Variants in ANTXR1 observed in about 807,000 individuals in gnomAD.
ANTXR1 encodes the protein anthrax toxin receptor 1.
In ANTXR1, 19 loss-of-function variants were observed where a neutral mutation model predicts 78.1. That is an observed-to-expected ratio of 0.24 (90% CI 0.17 to 0.36). The LOEUF is 0.36. Among genes scored for constraint, ANTXR1 ranks in the 10% least tolerant of loss-of-function variants. The pLI, the probability that ANTXR1 is intolerant of heterozygous loss-of-function variation, is 1.00. For missense variants in ANTXR1, 518 were observed against 718.6 expected, an observed-to-expected ratio of 0.72 and a Z score of 3.19; for synonymous variants, 273 against 260.5, an observed-to-expected ratio of 1.05 and a Z score of -0.46.
At chr2:69,091,052 T>G (rs1173952456) in intron 9 of ANTXR1, 133 bp downstream of exon 9, 11 of 856,512 alleles carry the variant, frequency 1.3e-5, no homozygotes, top group Non-Finnish European at 2.1e-5. Context: ...GGAGCTGAAA[T>G]TGCTAACCAA....
At chr2:69,023,565 G>A (rs961623150) in intron 1 of ANTXR1, among the ~76,000 whole-genome samples, 7 of 152,080 alleles carry the variant, frequency 4.6e-5, no homozygotes, top group Non-Finnish European at 8.8e-5. Context: ...TGGTGGTGGT[G>A]TTAGTGCAGA....
intron 17 of ANTXR1, among the ~76,000 whole-genome samples, chr2:69,194,940 C>T (rs1455539178): frequency 3.9e-5 from 6 of 152,168 alleles, no homozygotes; most frequent in Admixed American, 2.0e-4. Context: ...GAGGCCAAGG[C>T]GGGTGGATCA....
chr2:69,124,478 G>A, intron 11 of ANTXR1, 87 bp from the exon 12 acceptor site: 2 of 1,158,244 alleles, frequency 1.7e-6, no homozygotes, highest in Non-Finnish European at 2.6e-6. Flanking sequence ...TAAGAGCAGA[G>A]CCCAAAGGAG....
intron 3 of ANTXR1, among the ~76,000 whole-genome samples, chr2:69,046,164 CA>C (rs1669762910): frequency 2.0e-5 from 3 of 152,104 alleles, no homozygotes; most frequent in Non-Finnish European, 2.9e-5. Context: ...GCCTGTTCTT[CA>C]CATCCTCCTA....
chr2:69,175,744 A>G (rs1386692362), intron 14 of ANTXR1, among the ~76,000 whole-genome samples: 1 of 152,200 alleles, frequency 6.6e-6, no homozygotes, highest in Non-Finnish European at 1.5e-5. Context: ...GGTATTTTGT[A>G]TCTGAAGGGA....
intron 13 of ANTXR1, among the ~76,000 whole-genome samples, chr2:69,155,955 C>CA (rs1161122751): frequency 6.6e-6 from 1 of 152,100 alleles, no homozygotes; most frequent in Non-Finnish European, 1.5e-5. Flanking sequence ...TTCATGACTC[C>CA]ATGTTGACAC....
At chr2:69,028,546 A>C (rs1671428382) in intron 1 of ANTXR1, among the ~76,000 whole-genome samples, 2 of 152,216 alleles carry the variant, frequency 1.3e-5, no homozygotes, top group Non-Finnish European at 2.9e-5. Flanking sequence ...TCTTTCTGAA[A>C]GGGGAATGGG....
chr2:69,032,825 CT>C (rs1265984783), intron 1 of ANTXR1, among the ~76,000 whole-genome samples: 3 of 152,010 alleles, frequency 2.0e-5, no homozygotes, highest in Non-Finnish European at 1.5e-5. Context: ...GCATATTTTG[CT>C]GTAATACCTT....
chr2:69,114,106 T>C (rs1406427142), intron 10 of ANTXR1, among the ~76,000 whole-genome samples: 31 of 152,216 alleles, frequency 2.0e-4, no homozygotes, highest in Admixed American at 2.0e-3. Flanking sequence ...TTATATGTAA[T>C]CTCAATTATG....
chr2:69,224,619 T>G (rs1646071744), intron 17 of ANTXR1, among the ~76,000 whole-genome samples: 1 of 152,122 alleles, frequency 6.6e-6, no homozygotes, highest in African/African-American at 2.4e-5. Context: ...AGGCCCTCTC[T>G]TGACCAGAGC....
intron 17 of ANTXR1, among the ~76,000 whole-genome samples, chr2:69,238,340 C>T (rs1052246958): frequency 6.6e-6 from 1 of 152,170 alleles, no homozygotes; most frequent in African/African-American, 2.4e-5. Context: ...GGACAGGGAC[C>T]TCAACATTTG....
intron 8 of ANTXR1, among the ~76,000 whole-genome samples, chr2:69,085,373 A>G (rs1671019599): frequency 6.6e-6 from 1 of 152,098 alleles, no homozygotes; most frequent in Admixed American, 6.5e-5. Context: ...TTTAAAAATG[A>G]GGTGTTGAAA....
chr2:69,103,329 G>T (rs1414400493), intron 10 of ANTXR1: 2 of 330,114 alleles, frequency 6.1e-6, no homozygotes, highest in Non-Finnish European at 5.9e-6. Flanking sequence ...AATTAGGACT[G>T]CAGAAACATG....
Position 69,247,000 on chromosome 2 carries a change from A to T in ANTXR1, c.*1515A>T, listed in dbSNP as rs1247989029. The T allele has an allele frequency of 1.3e-5, 2 of 152,218 alleles. No homozygotes were observed. Among genetic ancestry groups the T allele is most frequent in the Non-Finnish European group, 2.9e-5 (2 of 68,042 alleles). 9.4% of individuals were successfully genotyped at this position (152,218 alleles called of 1,614,324 possible). A position where few individuals can be genotyped will look rare whatever the true frequency, so the allele number is the denominator to read the frequency against. On this transcript the variant is annotated 3_prime_UTR_variant, in exon 18 of 18. Transcript: ENST00000303714. ...GTCTCCAAAGATCCTTCAAAAATAC[A>T]TCAAGCCAGCTTCATTCACTCACTT...
In ANTXR1 at chr2:69,013,770, G is replaced by A; in HGVS notation, c.152+119G>A. ...AGGAGCGCATCTCCAGGGCCACAGA[G>A]GGACCGCGCGGCAGGCGGCGGCGGA... On this transcript the variant is annotated intron_variant, in intron 1 of 17. Coordinates refer to ENST00000303714, the MANE Select transcript of ANTXR1 (RefSeq NM_032208.3). The surrounding 1 kb of genome is among the most constrained non-coding windows in gnomAD (Gnocchi z 5.0). The A allele has an allele frequency of 2.0e-6, 3 of 1,498,788 alleles. No individual in the cohort carries two copies. Among genetic ancestry groups the A allele is most frequent in the Non-Finnish European group, 2.7e-6 (3 of 1,102,792 alleles). The allele number at this position is 1,498,788 out of a possible 1,614,324, so 92.8% of individuals were successfully genotyped here. A position where few individuals can be genotyped will look rare whatever the true frequency, so the allele number is the denominator to read the frequency against.
intron 13 of ANTXR1, among the ~76,000 whole-genome samples, chr2:69,167,329 G>A (rs372201626): frequency 7.2e-5 from 11 of 152,228 alleles, no homozygotes; most frequent in Admixed American, 3.9e-4. Flanking sequence ...GTGTGTGGCC[G>A]TGTTGCCATG....
intron 1 of ANTXR1, among the ~76,000 whole-genome samples, chr2:69,037,708 G>C (rs1012273254): frequency 2.0e-5 from 3 of 152,194 alleles, no homozygotes; most frequent in African/African-American, 7.2e-5. Context: ...GACCTCAGGT[G>C]ATCCACCTGC....
At chr2:69,151,222 C>T (rs1251218327) in intron 12 of ANTXR1, among the ~76,000 whole-genome samples, 7 of 114,762 alleles carry the variant, frequency 6.1e-5, no homozygotes, top group African/African-American at 1.0e-4. Context: ...GACGGAGTCT[C>T]GCTCTGTCGC....
At chr2:69,072,115 A>ATGTAAAAT (rs1399572516) in intron 5 of ANTXR1, among the ~76,000 whole-genome samples, 42 of 152,196 alleles carry the variant, frequency 2.8e-4, no homozygotes, top group Admixed American at 2.6e-3. Flanking sequence ...TTGGATTTTT[A>ATGTAAAAT]TGTAAAATTT....
Sources: gnomAD v4.1 joint callset for allele counts (sites outside exome capture counted in the v4.1 genomes callset) on GRCh38, gnomAD v4.1.1 for gene constraint, Gnocchi (gnomAD v3.1) non-coding constraint, MANE v1.5 for transcripts, NCBI Gene and HGNC (gene_info 2026-07-23, HGNC 2026-07-21) for gene names.